RNF217: variants seen among roughly 807,000 people sequenced by gnomAD.
RNF217 encodes the protein ring finger protein 217.
A neutral mutation model predicts 57.8 loss-of-function variants in RNF217; 31 were observed. That is an observed-to-expected ratio of 0.54 (90% confidence interval 0.40 to 0.72). The LOEUF (loss-of-function observed/expected upper bound fraction) is 0.72. Ranked by LOEUF, RNF217 falls within the 30% of genes least tolerant of loss-of-function variation. The pLI is 0.00. For missense variants in RNF217, 696 were observed against 708.3 expected (o/e 0.98, Z 0.20); for synonymous variants, 313 against 294.0 (o/e 1.06, Z -0.66).
At chr6:125,065,340 G>A (rs974537377) in intron 3 of RNF217, among the ~76,000 whole-genome samples, 3 of 150,158 alleles carry the variant, frequency 2.0e-5, no homozygotes, top group Admixed American at 6.6e-5. Flanking sequence ...GTGTTTATAC[G>A]TAAAATAGAG....
intron 1 of RNF217, among the ~76,000 whole-genome samples, chr6:124,991,528 A>T (rs776968282): frequency 2.0e-4 from 31 of 152,046 alleles, no homozygotes; most frequent in Admixed American, 2.0e-3. Flanking sequence ...TTTATTTATT[A>T]TATTCATTTT....
chr6:125,030,757 A>G (rs1301435395), intron 1 of RNF217, among the ~76,000 whole-genome samples: 3 of 151,698 alleles, frequency 2.0e-5, no homozygotes, highest in African/African-American at 7.3e-5. Context: ...CGGCTTTTCC[A>G]GGCACACGGT....
In RNF217 at chr6:125,019,830, CA is replaced by C. The variant is rs745782280; in HGVS notation, c.883-25380del. 4.2e-3 allele frequency among the ~76,000 whole-genome samples: 492 copies of C among 116,140 alleles called. 20 individuals carry two copies. The highest frequency in any genetic ancestry group is 7.5e-3 in the African/African-American group (255 of 34,224). The allele number at this position is 116,140 out of a possible 152,430, so 76.2% of individuals were successfully genotyped here. The stretch of plus-strand genomic sequence containing the variant: ...CTCTTGCTTGATGTCCCCTTTTTTG[CA>C]GTGGGGGGGGAGTGAAAAAATCCTT... On this transcript the variant is annotated intron_variant, in intron 1 of 5. Transcript: ENST00000521654.
intron 3 of RNF217, among the ~76,000 whole-genome samples, chr6:125,058,555 G>T (rs1787608587): frequency 6.6e-6 from 1 of 152,106 alleles, no homozygotes; most frequent in Non-Finnish European, 1.5e-5. Flanking sequence ...AAATTGAACT[G>T]ATTGTTTTGC....
intron 1 of RNF217, among the ~76,000 whole-genome samples, chr6:124,985,184 A>G (rs1205346599): frequency 2.6e-5 from 4 of 152,228 alleles, no homozygotes; most frequent in South Asian, 4.1e-4. Flanking sequence ...GGATAGGGGA[A>G]AAAGGGATGT....
intron 1 of RNF217, among the ~76,000 whole-genome samples, chr6:125,002,717 G>A (rs779057544): frequency 2.0e-5 from 3 of 152,130 alleles, no homozygotes; most frequent in Non-Finnish European, 2.9e-5. Context: ...TGTGATTTTC[G>A]TGCTGGCTTA....
At chr6:125,020,193 G>A (rs12204645) in intron 1 of RNF217, among the ~76,000 whole-genome samples, 78,602 of 152,048 alleles carry the variant, frequency 0.52, 22,967 homozygotes, top group Non-Finnish European at 0.67. Context: ...GTCTGCCAAG[G>A]TCTTGATTAT....
intron 1 of RNF217, among the ~76,000 whole-genome samples, chr6:125,006,968 G>C (rs1049385137): frequency 2.6e-5 from 4 of 152,114 alleles, no homozygotes; most frequent in African/African-American, 9.7e-5. Flanking sequence ...AAAAAAGAAT[G>C]CATGATAGAC....
At chr6:125,080,265 A>G (rs1383936597) in intron 4 of RNF217, among the ~76,000 whole-genome samples, 1 of 152,148 alleles carries the variant, frequency 6.6e-6, no homozygotes, top group Non-Finnish European at 1.5e-5. Flanking sequence ...GGCAAAAAAT[A>G]TAAATAAAAC....
intron 3 of RNF217, among the ~76,000 whole-genome samples, chr6:125,066,473 G>A (rs1381077804): frequency 6.6e-6 from 1 of 152,058 alleles, no homozygotes; most frequent in African/African-American, 2.4e-5. Context: ...TCCCTTCTCA[G>A]GATCTCAGAC....
intron 1 of RNF217, chr6:124,971,420 G>A (rs545983364): frequency 3.7e-6 from 1 of 268,466 alleles, no homozygotes; most frequent in East Asian, 1.4e-4. Flanking sequence ...GCTTAGGAAA[G>A]CTATGATTTG....
intron 3 of RNF217, among the ~76,000 whole-genome samples, chr6:125,075,832 A>G (rs892846930): frequency 2.0e-5 from 3 of 152,096 alleles, no homozygotes; most frequent in Non-Finnish European, 2.9e-5. Context: ...TGAGTTTCCA[A>G]TTTTATCGCA....
At chr6:124,983,215 T>C (rs1784241958) in intron 1 of RNF217, 1 of 197,168 alleles carries the variant, frequency 5.1e-6, no homozygotes, top group South Asian at 1.8e-4. Context: ...ATAACATTTA[T>C]TAAGTCTTTG....
intron 1 of RNF217, among the ~76,000 whole-genome samples, chr6:124,988,354 A>G (rs764136763): frequency 4.6e-5 from 7 of 152,224 alleles, no homozygotes; most frequent in Admixed American, 1.3e-4. Flanking sequence ...AAATACTGCA[A>G]TAAAACTTTA....
intron 1 of RNF217, among the ~76,000 whole-genome samples, chr6:125,012,281 A>T (rs531709528): frequency 2.6e-5 from 4 of 152,180 alleles, no homozygotes; most frequent in African/African-American, 9.6e-5. Flanking sequence ...CAGAATGACT[A>T]TGTTTCAGTT....
chr6:125,061,470 A>G (rs1787730446), intron 3 of RNF217, among the ~76,000 whole-genome samples: 1 of 151,654 alleles, frequency 6.6e-6, no homozygotes, highest in South Asian at 2.1e-4. Context: ...TTTTCTGTTC[A>G]TACCCTTTGC....
intron 1 of RNF217, chr6:125,009,066 C>G (rs141416494): frequency 3.0e-5 from 15 of 497,390 alleles, no homozygotes; most frequent in African/African-American, 2.9e-4. Flanking sequence ...TCATAGAGAA[C>G]AAGGAAGTAG....
intron 1 of RNF217, among the ~76,000 whole-genome samples, chr6:125,037,593 T>C (rs1786692680): frequency 6.6e-6 from 1 of 152,130 alleles, no homozygotes; most frequent in Non-Finnish European, 1.5e-5. Flanking sequence ...AAACCGTATG[T>C]GTCAGTAGAG....
At chr6:124,986,146 C>G (rs1033695902) in intron 1 of RNF217, among the ~76,000 whole-genome samples, 8 of 152,194 alleles carry the variant, frequency 5.3e-5, no homozygotes, top group African/African-American at 1.9e-4. Context: ...TTGCATTCCT[C>G]AATTACCCTT....
Sources: allele counts gnomAD v4.1 joint callset (sites outside exome capture counted in the v4.1 genomes callset), GRCh38; gene constraint gnomAD v4.1.1; transcripts MANE v1.5; gene names NCBI Gene and HGNC (gene_info 2026-07-23, HGNC 2026-07-21).